The following COL28A1 variants were observed in gnomAD, a reference collection of about 807,000 sequenced individuals.
The protein encoded by COL28A1 is collagen type XXVIII alpha 1 chain.
Under a neutral mutation model 150.2 loss-of-function variants are expected in COL28A1, and 161 were observed. The observed-to-expected ratio is 1.07, with a 90% CI of 0.94 to 1.22. The LOEUF (loss-of-function observed/expected upper bound fraction) is 1.22. Ranked by LOEUF, COL28A1 falls within the 50% of genes most tolerant of loss-of-function variation. COL28A1 has a pLI of 0.00. For missense variants in COL28A1, 1,617 were observed against 1,388.3 expected (o/e 1.16, Z -2.62); for synonymous variants, 552 against 469.7 (o/e 1.18, Z -2.26).
rs767112842 is a variant in COL28A1, at chr7:7,507,109, C to A, written c.972+8G>T. The A allele has an allele frequency of 1.4e-5, 16 of 1,174,762 alleles. No homozygotes were observed. Among genetic ancestry groups the A allele is most frequent in the Non-Finnish European group, 1.9e-5 (15 of 780,314 alleles). 72.8% of individuals were successfully genotyped at this position (1,174,762 alleles called of 1,614,324 possible). A position where few individuals can be genotyped will look rare whatever the true frequency, so the allele number is the denominator to read the frequency against. ...ATTCAAACTTAGATTTGGTTTTAAC[C>A]CCCTTACCTGAATTCCTCTGGGTCC... On this transcript the variant is annotated splice_region_variant and intron_variant, in intron 10 of 34. Coordinates refer to ENST00000399429, the MANE Select transcript of COL28A1 (RefSeq NM_001037763.3).
At chr7:7,411,378 T>C (rs1248018969) in intron 27 of COL28A1, among the ~76,000 whole-genome samples, 1 of 152,190 alleles carries the variant, frequency 6.6e-6, no homozygotes, top group Admixed American at 6.5e-5. Flanking sequence ...TGCTACACTC[T>C]GCAAGGTGAG....
chr7:7,529,266 G>A (rs983066153), intron 3 of COL28A1, among the ~76,000 whole-genome samples: 2 of 144,244 alleles, frequency 1.4e-5, no homozygotes, highest in Admixed American at 1.5e-4. Context: ...TCCAGCCTGG[G>A]TGACAGGAGC....
chr7:7,426,121 A>G (rs1362731711), intron 25 of COL28A1, among the ~76,000 whole-genome samples: 1 of 152,180 alleles, frequency 6.6e-6, no homozygotes, highest in East Asian at 1.9e-4. Flanking sequence ...AATTAAATTC[A>G]CTGTGAAAGA....
chr7:7,383,083 T>C (rs745342788), intron 27 of COL28A1, among the ~76,000 whole-genome samples: 40 of 152,224 alleles, frequency 2.6e-4, no homozygotes, highest in Non-Finnish European at 3.7e-4. Context: ...AGTAAACACC[T>C]ATCTACCACG....
rs957879136 is a variant in COL28A1 at position 7,437,215 on chromosome 7, G to A, written c.1791+179C>T. ...CTTGGGACCAAGAGCACAAAATCTGGTTTCTAGTCTTAACTCTGCTGCTGG... is the reference window on the plus strand; with the variant it reads ...CTTGGGACCAAGAGCACAAAATCTGATTTCTAGTCTTAACTCTGCTGCTGG... On this transcript the variant is annotated intron_variant, in intron 22 of 34. Coordinates refer to ENST00000399429, the MANE Select transcript of COL28A1 (RefSeq NM_001037763.3). 3.3e-5 allele frequency among the ~76,000 whole-genome samples: 5 copies of A among 152,132 alleles called. No individual in the cohort carries two copies. The East Asian group carries it at 7.7e-4, about 23-fold the overall frequency.
intron 31 of COL28A1, among the ~76,000 whole-genome samples, chr7:7,374,852 T>C (rs1781459810): frequency 6.6e-6 from 1 of 152,186 alleles, no homozygotes; most frequent in African/African-American, 2.4e-5. Flanking sequence ...CTGACCACTT[T>C]AAACCCAGAA....
upstream of COL28A1, among the ~76,000 whole-genome samples, chr7:7,537,717 G>T (rs1782698937): frequency 6.6e-6 from 1 of 152,190 alleles, no homozygotes; most frequent in South Asian, 2.1e-4. Context: ...GTTTTGTGAG[G>T]CTTTGGTAAC....
rs892692368 is a variant in COL28A1 at position 7,370,876 on chromosome 7, A to G, written c.2915T>C (p.Leu972Pro). 1 of 1,607,514 alleles carries G rather than the reference A, an allele frequency of 6.2e-7. No homozygotes were observed. The highest frequency in any genetic ancestry group is 1.3e-5 in the African/African-American group (1 of 74,778). Residue 972 changes from leucine (L) to proline (P), a missense_variant, in exon 33 of 35, where the codon CTG (leucine) becomes CCG (proline). Leu to Pro is a moderately conservative substitution (Grantham distance 98). Coordinates refer to ENST00000399429, the MANE Select transcript of COL28A1 (RefSeq NM_001037763.3). ...FDDFFTLQDT[L>P]KQKLFQKICE... ...AATTTTTTGAAACAATTTTTGCTTC[A>G]GGGTGTCTTTTAAAAAAGAAGTAGA...
intron 18 of COL28A1, among the ~76,000 whole-genome samples, 190 bp downstream of exon 18, chr7:7,452,129 G>A (rs1439043757): frequency 6.6e-6 from 1 of 152,182 alleles, no homozygotes; most frequent in Admixed American, 6.5e-5. Context: ...CTGTCCAAGA[G>A]GAAAATAAAG....
chr7:7,474,058 A>G (rs111985783), intron 15 of COL28A1, among the ~76,000 whole-genome samples: 1 of 134,850 alleles, frequency 7.4e-6, no homozygotes, highest in African/African-American at 3.2e-5. Flanking sequence ...TATATACTCT[A>G]TATATATATG....
chr7:7,468,526 G>A (rs1221895426), intron 15 of COL28A1, among the ~76,000 whole-genome samples: 346 of 110,786 alleles, frequency 3.1e-3, no homozygotes, highest in Non-Finnish European at 4.8e-3. Flanking sequence ...TTCTACCAGA[G>A]GTACAAGGAG....
chr7:7,415,247 T>C lies in COL28A1; in HGVS notation c.2136+2612A>G, dbSNP rs77136819. Among the ~76,000 whole-genome samples, 890 of 152,280 alleles carry C rather than the reference T, an allele frequency of 5.8e-3. 15 individuals are homozygous for C. The highest frequency in any genetic ancestry group is 0.021 in the African/African-American group (858 of 41,558). ...CTAAGCACACACACCTGCAAGCAGA[T>C]TTCACTGATTCAAATGCTCTTTGGA... On this transcript the variant is annotated intron_variant, in intron 27 of 34. Transcript: ENST00000399429.
At chr7:7,374,392 C>A (rs1781434357) in intron 31 of COL28A1, among the ~76,000 whole-genome samples, 2 of 152,078 alleles carry the variant, frequency 1.3e-5, no homozygotes, top group African/African-American at 4.8e-5. Flanking sequence ...TAAATGTACA[C>A]AGGAACAGCT....
chr7:7,462,608 C>T (rs1787720400), intron 15 of COL28A1, among the ~76,000 whole-genome samples: 1 of 152,164 alleles, frequency 6.6e-6, no homozygotes, highest in South Asian at 2.1e-4. Flanking sequence ...CCTGTAATCC[C>T]AACACTTTGG....
chr7:7,543,374 T>C, the COL28A1 span, among the ~76,000 whole-genome samples: 9 of 152,382 alleles, frequency 5.9e-5, no homozygotes, highest in African/African-American at 2.2e-4. Flanking sequence ...TTTCAAATAC[T>C]GAAACATTTT....
At chr7:7,480,329 A>G (rs1424935424) in intron 13 of COL28A1, among the ~76,000 whole-genome samples, 2 of 152,210 alleles carry the variant, frequency 1.3e-5, no homozygotes, top group African/African-American at 4.8e-5. Flanking sequence ...CATCTTTTTC[A>G]ATTTAAATTG....
intron 27 of COL28A1, among the ~76,000 whole-genome samples, chr7:7,386,306 T>C (rs1375960655): frequency 1.3e-5 from 2 of 152,214 alleles, no homozygotes; most frequent in South Asian, 2.1e-4. Context: ...ATCAAATTTA[T>C]AGATGATCAT....
intron 18 of COL28A1, among the ~76,000 whole-genome samples, chr7:7,447,626 T>C (rs1424010686): frequency 6.6e-6 from 1 of 151,926 alleles, no homozygotes; most frequent in Non-Finnish European, 1.5e-5. Flanking sequence ...ATTTAAAGCA[T>C]GTTAAATAGA....
chr7:7,409,468 A>G (rs1029255585), intron 27 of COL28A1, among the ~76,000 whole-genome samples: 2 of 152,284 alleles, frequency 1.3e-5, no homozygotes, highest in South Asian at 4.1e-4. Context: ...GAGAAAAAAA[A>G]CCAATTTAAA....
Sources: gnomAD v4.1 joint callset for allele counts (sites outside exome capture counted in the v4.1 genomes callset) on GRCh38, gnomAD v4.1.1 for gene constraint, MANE v1.5 for transcripts, NCBI Gene and HGNC (gene_info 2026-07-23, HGNC 2026-07-21) for gene names.